MEF2C: variants seen among roughly 807,000 people sequenced by gnomAD.
MEF2C encodes myocyte enhancer factor 2C.
In MEF2C, 6 loss-of-function variants were observed where a neutral mutation model predicts 50.5. That is an observed-to-expected ratio of 0.12 (90% confidence interval 0.07 to 0.23). The LOEUF (loss-of-function observed/expected upper bound fraction) is 0.23. MEF2C is among the 10% of genes least tolerant of loss of function. The pLI, the probability that MEF2C is intolerant of heterozygous loss-of-function variation, is 1.00. For synonymous variants in MEF2C, 183 were observed against 228.0 expected, an observed-to-expected ratio of 0.80 and a Z score of 1.78; for missense variants, 276 against 605.0, an observed-to-expected ratio of 0.46 and a Z score of 5.70.
intron 1 of MEF2C, among the ~76,000 whole-genome samples, chr5:88,898,035 C>T (rs1046423117): frequency 3.3e-5 from 5 of 152,090 alleles, no homozygotes; most frequent in Non-Finnish European, 1.5e-5. Context: ...ATGCTACTCT[C>T]TTAAGGTGAG....
chr5:88,838,493 A>G (rs304161), intron 1 of MEF2C: 299,611 of 904,302 alleles, frequency 0.33, 53,678 homozygotes, highest in African/African-American at 0.65. Flanking sequence ...ACCCAAAAGA[A>G]TTGTCTTCCT....
intron 5 of MEF2C, among the ~76,000 whole-genome samples, chr5:88,750,685 A>C (rs767595056): frequency 6.6e-6 from 1 of 152,220 alleles, no homozygotes; most frequent in Non-Finnish European, 1.5e-5. Context: ...TTTCAAATAT[A>C]TTCAAAAGTC....
At chr5:88,838,603 T>A in intron 1 of MEF2C, 1 of 985,310 alleles carries the variant, frequency 1.0e-6, no homozygotes, top group Non-Finnish European at 1.2e-6. Context: ...AGATATCTCA[T>A]CCCCAAAGCT....
At chr5:88,843,325 TTGTG>T (rs1310159710) in intron 1 of MEF2C, 4 of 984,748 alleles carry the variant, frequency 4.1e-6, no homozygotes, top group Non-Finnish European at 3.6e-6. Context: ...AAAATATTGT[TTGTG>T]TGTTATTTAA....
At chr5:88,777,816 A>G (rs1785547930) in intron 3 of MEF2C, among the ~76,000 whole-genome samples, 1 of 151,338 alleles carries the variant, frequency 6.6e-6, no homozygotes, top group Admixed American at 6.6e-5. Context: ...CTTCACCAAT[A>G]TGTAGGTACT....
intron 1 of MEF2C, among the ~76,000 whole-genome samples, chr5:88,850,477 G>T (rs533725921): frequency 5.1e-4 from 77 of 152,204 alleles, no homozygotes; most frequent in South Asian, 2.3e-3. Flanking sequence ...ACATTTTAAT[G>T]AAAAATAATG....
At position 88,818,447 on chromosome 5, in the gene MEF2C, G is replaced by C. The variant is rs142183117; in HGVS notation, c.54+5288C>G. Among the ~76,000 whole-genome samples the C allele has an allele frequency of 2.2e-4, 34 of 151,864 alleles. No homozygotes were observed. In the East Asian group the frequency reaches 5.2e-3, roughly 23 times the overall value. ...TGCCTAACTGATGGAGGTATTTCAA[G>C]GGTAAAAAAAAAATGCCGACGGAGA... On this transcript the variant is annotated intron_variant, in intron 2 of 10. Coordinates refer to ENST00000504921, the MANE Select transcript of MEF2C (RefSeq NM_002397.5).
At chr5:88,825,327 T>C (rs1267108705) in intron 1 of MEF2C, 1 of 180,166 alleles carries the variant, frequency 5.6e-6, no homozygotes, top group African/African-American at 2.4e-5. Context: ...ATATAATTAC[T>C]TCTGGTGGAT....
At chr5:88,733,652 G>C (rs977433099) in intron 6 of MEF2C, 7 of 985,262 alleles carry the variant, frequency 7.1e-6, no homozygotes, top group Non-Finnish European at 7.2e-6. Flanking sequence ...AAGCAGATTT[G>C]TTCTTCATAT....
chr5:88,854,836 A>G (rs1822690300), intron 1 of MEF2C, among the ~76,000 whole-genome samples: 1 of 152,214 alleles, frequency 6.6e-6, no homozygotes, highest in Non-Finnish European at 1.5e-5. Context: ...CTGAAGTCAC[A>G]AAAGTTGATA....
At chr5:88,766,574 C>G (rs942592225) in intron 3 of MEF2C, 7 of 936,560 alleles carry the variant, frequency 7.5e-6, no homozygotes, top group Non-Finnish European at 8.9e-6. Flanking sequence ...TTCAACCACT[C>G]AATTTCTTTA....
intron 1 of MEF2C, among the ~76,000 whole-genome samples, chr5:88,882,198 A>G (rs913768263): frequency 6.6e-6 from 1 of 152,248 alleles, no homozygotes; most frequent in Non-Finnish European, 1.5e-5. Flanking sequence ...GACAAACTTT[A>G]TCATCGAGTT....
intron 3 of MEF2C, among the ~76,000 whole-genome samples, chr5:88,762,114 T>C (rs1215780427): frequency 6.6e-6 from 1 of 152,086 alleles, no homozygotes; most frequent in Non-Finnish European, 1.5e-5. Flanking sequence ...TTCAGCTGAG[T>C]AGGAATCACC....
chr5:88,791,092 ATTCGG>A (rs1793538148), intron 3 of MEF2C, among the ~76,000 whole-genome samples: 1 of 152,178 alleles, frequency 6.6e-6, no homozygotes, highest in African/African-American at 2.4e-5. Flanking sequence ...TTTGATTCTT[ATTCGG>A]CACCTTTTAG....
In MEF2C at chr5:88,867,126, C is replaced by T. The variant is rs192515791; in HGVS notation, c.-143+15829G>A. Among the ~76,000 whole-genome samples the T allele has an allele frequency of 3.3e-4, 50 of 152,284 alleles. No homozygotes were observed. The East Asian group carries it at 8.3e-3, about 25-fold the overall frequency. On this transcript the variant is annotated intron_variant, in intron 1 of 10. Transcript: ENST00000504921. ...AGCAGTTGATAATATATGTTTTTCTCACTTCACATCAACAATGTGGAAGTA... is the reference window on the plus strand; with the variant it reads ...AGCAGTTGATAATATATGTTTTTCTTACTTCACATCAACAATGTGGAAGTA...
rs1375733780 is a variant in MEF2C at position 88,724,119 on chromosome 5, GAAT to G, written c.1101-1197_1101-1195del. 2.0e-5 allele frequency among the ~76,000 whole-genome samples: 3 copies of G among 152,100 alleles called. No individual in the cohort carries two copies. The East Asian group carries it at 5.8e-4, about 29-fold the overall frequency. On this transcript the variant is annotated intron_variant, in intron 10 of 10. Transcript: ENST00000504921. Reference sequence around the variant, plus strand: ...CATGGTACTCTCTTTTACTGAGGAAGAATCCAAGTGAAGAATTATCCATACAGA... The same window carrying G: ...CATGGTACTCTCTTTTACTGAGGAAGCCAAGTGAAGAATTATCCATACAGA...
intron 6 of MEF2C, chr5:88,746,511 T>C (rs1449574042): frequency 1.0e-6 from 1 of 984,964 alleles, no homozygotes; most frequent in East Asian, 1.1e-4. Flanking sequence ...AAAAGTAACG[T>C]AATTGCAGTC....
chr5:88,852,736 A>G (rs911706052), intron 1 of MEF2C, among the ~76,000 whole-genome samples: 1 of 151,904 alleles, frequency 6.6e-6, no homozygotes, highest in Non-Finnish European at 1.5e-5. Context: ...GAAACTAAAA[A>G]CACAAATACT....
intron 3 of MEF2C, among the ~76,000 whole-genome samples, chr5:88,789,294 G>A (rs943851391): frequency 6.6e-6 from 1 of 151,754 alleles, no homozygotes; most frequent in Non-Finnish European, 1.5e-5. Context: ...AGTCTCCTGC[G>A]TAGCTAGGAG....
Sources: allele counts gnomAD v4.1 joint callset (sites outside exome capture counted in the v4.1 genomes callset), GRCh38; gene constraint gnomAD v4.1.1; transcripts MANE v1.5; gene names NCBI Gene and HGNC (gene_info 2026-07-23, HGNC 2026-07-21).